Variants in CSNK2A1 observed in about 807,000 individuals in gnomAD.
The protein encoded by CSNK2A1 is casein kinase 2 alpha 1.
In CSNK2A1, 10 loss-of-function variants were observed where a neutral mutation model predicts 62.9. That is an observed-to-expected ratio of 0.16 (90% CI 0.10 to 0.27). The LOEUF is 0.27. Among genes scored for constraint, CSNK2A1 ranks in the 10% least tolerant of loss-of-function variants. CSNK2A1 has a pLI of 1.00. For missense variants in CSNK2A1, 160 were observed against 492.0 expected (o/e 0.33, Z 6.38); for synonymous variants, 124 against 167.8 (o/e 0.74, Z 2.02).
At chr20:505,808 T>A (rs967171721) in intron 3 of CSNK2A1, 1 of 151,898 alleles carries the variant, frequency 6.6e-6, no homozygotes, top group Admixed American at 6.6e-5. Context: ...AGCTGGCTTG[T>A]ATTAAGGTTT....
chr20:534,873 CAA>C (rs779243946), intron 1 of CSNK2A1, among the ~76,000 whole-genome samples: 11 of 115,052 alleles, frequency 9.6e-5, no homozygotes, highest in Non-Finnish European at 1.1e-4. Flanking sequence ...TACTAAAATA[CAA>C]AAAAAAAAAA....
intron 13 of CSNK2A1, among the ~76,000 whole-genome samples, chr20:484,612 T>G (rs570587824): frequency 1.3e-5 from 2 of 152,324 alleles, no homozygotes; most frequent in African/African-American, 4.8e-5. Context: ...TCAATTTGAA[T>G]GGGGAAAGAG....
chr20:508,647 C>T lies in CSNK2A1; in HGVS notation c.-96G>A, dbSNP rs1179172972. ...CTGGGGGTAAGACCTTGTTTCAGAC[C>T]TGTTTTCTTCAAACTGCAGAAACAA... is the stretch of plus-strand genomic sequence containing the variant. On this transcript the variant is annotated 5_prime_UTR_variant, in exon 3 of 14. Coordinates refer to ENST00000217244, the MANE Select transcript of CSNK2A1 (RefSeq NM_177559.3). The T allele has an allele frequency of 8.5e-7, 1 of 1,180,678 alleles. No individual in the cohort carries two copies. Among genetic ancestry groups the T allele is most frequent in the East Asian group, 2.5e-5 (1 of 40,672 alleles). The allele number at this position is 1,180,678 out of a possible 1,614,324, so 73.1% of individuals were successfully genotyped here.
chr20:530,833 C>T (rs2122641014), intron 1 of CSNK2A1, among the ~76,000 whole-genome samples: 1 of 152,228 alleles, frequency 6.6e-6, no homozygotes, highest in South Asian at 2.1e-4. Context: ...ACCTGTAACC[C>T]CACCAGTTTG....
intron 9 of CSNK2A1, among the ~76,000 whole-genome samples, 153 bp from the exon 10 acceptor site, chr20:490,034 C>CTTT (rs760882404): frequency 7.0e-6 from 1 of 142,566 alleles, no homozygotes; most frequent in Non-Finnish European, 1.5e-5. Context: ...TTTAGTCTTT[C>CTTT]TTTTTTTTTT....
chr20:485,827 ATATGTATAATTCT>A (rs1377395439), intron 13 of CSNK2A1, among the ~76,000 whole-genome samples: 1 of 152,236 alleles, frequency 6.6e-6, no homozygotes, highest in Non-Finnish European at 1.5e-5. Flanking sequence ...GATGTTGCCT[ATATGTATAATTCT>A]TATGCTATGT....
intron 2 of CSNK2A1, chr20:510,049 T>C (rs2018685076): frequency 6.6e-6 from 1 of 151,912 alleles, no homozygotes. Context: ...CTGCAGGAGG[T>C]GGAGGGGGAT....
intron 13 of CSNK2A1, among the ~76,000 whole-genome samples, chr20:485,384 TGCTGGCCAG>T (rs2018076327): frequency 6.6e-6 from 1 of 152,000 alleles, no homozygotes; most frequent in Admixed American, 6.6e-5. Context: ...GGTTTCGCCA[TGCTGGCCAG>T]GCTGGTCTCG....
rs956062410 is a variant in CSNK2A1 at position 475,756 on chromosome 20, G to A, written c.*8205C>T. 2 of 152,232 alleles carry A rather than the reference G, an allele frequency of 1.3e-5. No homozygotes were observed. Among genetic ancestry groups the A allele is most frequent in the African/African-American group, 2.4e-5 (1 of 41,454 alleles). 9.4% of individuals were successfully genotyped at this position (152,232 alleles called of 1,614,324 possible). On this transcript the variant is annotated 3_prime_UTR_variant, in exon 14 of 14. Transcript: ENST00000217244. ...TGATGGTGCTTGTGACACAGCAGAG[G>A]CTTGAAATGTGCTTGTGTGATTCCA... is the stretch of plus-strand genomic sequence containing the variant.
chr20:520,665 A>G (rs760081601), intron 2 of CSNK2A1, among the ~76,000 whole-genome samples: 6 of 152,054 alleles, frequency 3.9e-5, no homozygotes, highest in East Asian at 1.9e-4. Flanking sequence ...ATGCCCTGCT[A>G]ATTTTTGTAT....
chr20:489,688 G>T, intron 10 of CSNK2A1, 92 bp downstream of exon 10: 1 of 999,512 alleles, frequency 1.0e-6, no homozygotes, highest in Non-Finnish European at 1.4e-6. Flanking sequence ...ATATCGGGGT[G>T]GCTGAATAAA....
At chr20:531,060 GGTGAAAAGA>G (rs2019202057) in intron 1 of CSNK2A1, among the ~76,000 whole-genome samples, 1 of 151,926 alleles carries the variant, frequency 6.6e-6, no homozygotes, top group Non-Finnish European at 1.5e-5. Context: ...CTCCAGCCTG[GGTGAAAAGA>G]GTGAAATTCC....
intron 2 of CSNK2A1, among the ~76,000 whole-genome samples, chr20:521,813 G>T (rs1351161689): frequency 6.6e-6 from 1 of 152,118 alleles, no homozygotes; most frequent in African/African-American, 2.4e-5. Context: ...GGTCTCAAAC[G>T]TCTAGCCTCA....
intron 1 of CSNK2A1, among the ~76,000 whole-genome samples, chr20:531,680 T>C (rs891057646): frequency 6.6e-6 from 1 of 152,156 alleles, no homozygotes; most frequent in African/African-American, 2.4e-5. Flanking sequence ...GAAGGCTAAC[T>C]TGGTGATTTA....
intron 7 of CSNK2A1, 66 bp from the exon 8 acceptor site, chr20:495,868 T>G: frequency 7.0e-7 from 1 of 1,423,964 alleles, no homozygotes; most frequent in Non-Finnish European, 9.9e-7. Flanking sequence ...TACTTTTCCC[T>G]CCATGTAAAT....
chr20:526,850 T>G (rs770973305), intron 2 of CSNK2A1: 1 of 151,294 alleles, frequency 6.6e-6, no homozygotes, highest in Non-Finnish European at 1.5e-5. Flanking sequence ...AGCAGGAGGA[T>G]AAGGCAGGAG....
In CSNK2A1 at chr20:474,015, T is replaced by C. The variant is rs1026932383; in HGVS notation, c.*9946A>G. 6.6e-6 allele frequency: 1 copy of C among 152,222 alleles called. No homozygotes were observed. Among genetic ancestry groups the C allele is most frequent in the Non-Finnish European group, 1.5e-5 (1 of 68,038 alleles). 9.4% of individuals were successfully genotyped at this position (152,222 alleles called of 1,614,324 possible). Reference sequence around the variant, plus strand: ...GGAGACAACAACATTGCAAGTGATCTAGTCTTTGAAAGGCTTTTAAGCAAG... The same window carrying C: ...GGAGACAACAACATTGCAAGTGATCCAGTCTTTGAAAGGCTTTTAAGCAAG... On this transcript the variant is annotated 3_prime_UTR_variant, in exon 14 of 14. Transcript: ENST00000217244.
chr20:489,497 A>T, intron 10 of CSNK2A1: 1 of 405,432 alleles, frequency 2.5e-6, no homozygotes, highest in Non-Finnish European at 4.4e-6. Flanking sequence ...AGAAAACACC[A>T]TATTGGAGAT....
At chr20:490,342 T>C (rs1300917986) in intron 9 of CSNK2A1, among the ~76,000 whole-genome samples, 15 of 138,098 alleles carry the variant, frequency 1.1e-4, no homozygotes, top group Admixed American at 4.1e-4. Context: ...TTTCTTTTTT[T>C]TTTTTTTTTA....
Sources: allele counts gnomAD v4.1 joint callset (sites outside exome capture counted in the v4.1 genomes callset), GRCh38; gene constraint gnomAD v4.1.1; transcripts MANE v1.5; gene names NCBI Gene and HGNC (gene_info 2026-07-23, HGNC 2026-07-21).